Variants in ADCY9 observed in about 807,000 individuals in gnomAD.
ADCY9 encodes adenylate cyclase 9.
Under a neutral mutation model 101.5 loss-of-function variants are expected in ADCY9, and 50 were observed. The observed-to-expected ratio is 0.49, with a 90% confidence interval of 0.39 to 0.62. ADCY9 has a LOEUF of 0.62. Among genes scored for constraint, ADCY9 ranks in the 20% least tolerant of loss-of-function variants. The pLI is 0.00. For synonymous variants in ADCY9, 905 were observed against 769.3 expected, an observed-to-expected ratio of 1.18 and a Z score of -2.92; for missense variants, 1,662 against 1,800.4, an observed-to-expected ratio of 0.92 and a Z score of 1.39.
chr16:4,078,220 G>T (rs1026971458), intron 2 of ADCY9, among the ~76,000 whole-genome samples: 2 of 152,164 alleles, frequency 1.3e-5, no homozygotes, highest in African/African-American at 4.8e-5. Flanking sequence ...GCCAAGAACT[G>T]CAAGCAACTC....
chr16:4,046,207 G>T (rs777885392), intron 2 of ADCY9, among the ~76,000 whole-genome samples: 5 of 152,102 alleles, frequency 3.3e-5, no homozygotes, highest in African/African-American at 4.8e-5. Flanking sequence ...TATCTGTCCG[G>T]AGTCGCAGAA....
Position 3,969,755 on chromosome 16 carries a change from C to A in ADCY9, c.2871-2789G>T, listed in dbSNP as rs1260491389. ...TCAGCCTCCAGATTAGCTGGGACTA[C>A]AGGCACACACCACCACACCTGGCTA... On this transcript the variant is annotated intron_variant, in intron 10 of 10. Transcript: ENST00000294016. 2.0e-5 allele frequency among the ~76,000 whole-genome samples: 3 copies of A among 150,592 alleles called. No individual in the cohort carries two copies. The Admixed American group carries it at 2.0e-4, about 10-fold the overall frequency.
rs200675091 is a variant in ADCY9, at chr16:3,983,225, C to T, written c.2519+7G>A. On this transcript the variant is annotated splice_region_variant and intron_variant, in intron 7 of 10. Coordinates refer to ENST00000294016, the MANE Select transcript of ADCY9 (RefSeq NM_001116.4). ...AGAGCTGGAGACCCAGTCCACGCGG[C>T]GCTTACCTGATGGACACCGCGAGGG... 3.1e-4 allele frequency: 481 copies of T among 1,547,638 alleles called. No individual in the cohort carries two copies. The highest frequency in any genetic ancestry group is 4.0e-4 in the Non-Finnish European group (454 of 1,145,702).
rs35732229 is a variant in ADCY9, at chr16:4,097,553, ATTTT to A, written c.1693+16193_1693+16196del. Among the ~76,000 whole-genome samples, 54 of 53,390 alleles carry A rather than the reference ATTTT, an allele frequency of 1.0e-3. 1 individual carries two copies. The South Asian group carries it at 0.011, about 11-fold the overall frequency. The allele number at this position is 53,390 out of a possible 152,430, so 35.0% of individuals were successfully genotyped here. ...CATATATATATATATATATATATATATTTTTTTTTTTTTTTTTTAAGACAGAGTC... is the reference window on the plus strand; with the variant it reads ...CATATATATATATATATATATATATATTTTTTTTTTTTTTAAGACAGAGTC... On this transcript the variant is annotated intron_variant, in intron 2 of 10. Transcript: ENST00000294016.
rs750404297 is a variant in ADCY9 at position 4,114,792 on chromosome 16, G to C, written c.651C>G (p.Cys217Trp). 2 of 1,613,326 alleles carry C rather than the reference G, an allele frequency of 1.2e-6. No individual in the cohort carries two copies. Among genetic ancestry groups the C allele is most frequent in the South Asian group, 2.2e-5 (2 of 91,086 alleles). Residue 217 changes from cysteine to tryptophan, a missense_variant, in exon 2 of 11, where the codon TGC becomes TGG. By Grantham distance (215) the Cys-to-Trp change is radical. This residue lies in a region of ADCY9 where 422 missense variants were observed against 392.0 expected (regional missense o/e 1.08). Coordinates refer to ENST00000294016, the MANE Select transcript of ADCY9 (RefSeq NM_001116.4). The surrounding 1 kb of genome is among the most constrained non-coding windows in gnomAD (Gnocchi z 4.3). ...TGGAGAAGCTCCCCACTTGAGATAAGCAAGTATCTGTGGGCCGGGCTGTGG... is the reference window on the plus strand; with the variant it reads ...TGGAGAAGCTCCCCACTTGAGATAACCAAGTATCTGTGGGCCGGGCTGTGG... ...LTATARPTDT[C>W]LSQVGSFSMC...
chr16:3,993,066 CTT>C (rs2056258588), intron 4 of ADCY9, among the ~76,000 whole-genome samples: 1 of 152,144 alleles, frequency 6.6e-6, no homozygotes, highest in Non-Finnish European at 1.5e-5. Context: ...AAGACCCCCT[CTT>C]GTCTCTGCCC....
chr16:4,085,542 G>A (rs1015935579), intron 2 of ADCY9, among the ~76,000 whole-genome samples: 4 of 152,144 alleles, frequency 2.6e-5, no homozygotes, highest in African/African-American at 9.6e-5. Flanking sequence ...TCATCTAAAG[G>A]GGAGGCTCCC....
Position 3,965,052 on chromosome 16 carries a change from G to C in ADCY9, c.*723C>G, listed in dbSNP as rs558780812. The stretch of plus-strand genomic sequence containing the variant: ...CCCGAGGCCTGGGCACACGGGCGTC[G>C]TGCCCGGCTGGCATTTGCTGTCTTG... On this transcript the variant is annotated 3_prime_UTR_variant, in exon 11 of 11. Transcript: ENST00000294016. The C allele has an allele frequency of 6.6e-6, 1 of 152,398 alleles. No individual in the cohort carries two copies. The highest frequency in any genetic ancestry group is 2.1e-4 in the South Asian group (1 of 4,822). The allele number at this position is 152,398 out of a possible 1,614,324, so 9.4% of individuals were successfully genotyped here. A position where few individuals can be genotyped will look rare whatever the true frequency, so the allele number is the denominator to read the frequency against.
At chr16:4,106,068 C>A (rs951776907) in intron 2 of ADCY9, among the ~76,000 whole-genome samples, 2 of 152,178 alleles carry the variant, frequency 1.3e-5, no homozygotes, top group Non-Finnish European at 2.9e-5. Flanking sequence ...CCACCTATCC[C>A]AGAACATTGA....
chr16:3,953,740 G>A (rs887325733), intron 5 of ADCY9, among the ~76,000 whole-genome samples: 5 of 152,182 alleles, frequency 3.3e-5, no homozygotes, highest in African/African-American at 7.2e-5. Flanking sequence ...AAAAAACGCC[G>A]GTTTTGGGAT....
At chr16:4,090,792 AGT>A (rs1216660141) in intron 2 of ADCY9, among the ~76,000 whole-genome samples, 1 of 151,594 alleles carries the variant, frequency 6.6e-6, no homozygotes, top group African/African-American at 2.4e-5. Context: ...ACACAATTCC[AGT>A]GTTGCCAAGC....
In ADCY9 at chr16:3,965,889, G is replaced by T; in HGVS notation, c.3948C>A (p.Val1316=). 1 of 1,614,162 alleles carries T rather than the reference G, an allele frequency of 6.2e-7. No homozygotes were observed. Among genetic ancestry groups the T allele is most frequent in the African/African-American group, 1.3e-5 (1 of 75,034 alleles). ...CAAATCGACCCCTTTCTTCGGCTTT[G>T]ACGGGCTCCTTCCACGGTCTCTTGG... is the stretch of plus-strand genomic sequence containing the variant. ...LSPKRPWKEP[V]KAEERGRFGK... Residue 1316 remains valine (V), a synonymous_variant, in exon 11 of 11, where the codon GTC becomes GTA. Coordinates refer to ENST00000294016, the MANE Select transcript of ADCY9 (RefSeq NM_001116.4).
chr16:3,981,044 C>A (rs2056138130), intron 7 of ADCY9, among the ~76,000 whole-genome samples: 1 of 152,334 alleles, frequency 6.6e-6, no homozygotes, highest in African/African-American at 2.4e-5. Context: ...GCGCAGGTTC[C>A]CGTCAACCTG....
rs372578930 is a variant in ADCY9, at chr16:4,019,375, G to A, written c.1694-11817C>T. ...CACCCAGGGATGTCCCAGGCTGGGC[G>A]ATTTGTTCTCCCACTGCACACCATG... On this transcript the variant is annotated intron_variant, in intron 2 of 10. Transcript: ENST00000294016. Among the ~76,000 whole-genome samples the A allele has an allele frequency of 9.2e-5, 14 of 152,278 alleles. 1 individual carries two copies. The South Asian group carries it at 1.4e-3, about 16-fold the overall frequency.
At chr16:4,038,070 C>T (rs993723165) in intron 2 of ADCY9, among the ~76,000 whole-genome samples, 5 of 152,050 alleles carry the variant, frequency 3.3e-5, no homozygotes, top group Non-Finnish European at 7.4e-5. Context: ...GTCCAGGAGT[C>T]CAAGACCAGC....
chr16:4,053,063 G>A (rs1447803081), intron 2 of ADCY9, among the ~76,000 whole-genome samples: 1 of 152,188 alleles, frequency 6.6e-6, no homozygotes, highest in Non-Finnish European at 1.5e-5. Flanking sequence ...ATAGTTTTAA[G>A]ATGTTTTGAC....
chr16:3,983,121 CCAGCAGGGACAG>C (rs1567421886), intron 7 of ADCY9, 99 bp downstream of exon 7: 8 of 1,044,758 alleles, frequency 7.7e-6, no homozygotes, highest in Non-Finnish European at 1.1e-5. Flanking sequence ...CAGAAATCAG[CCAGCAGGGACAG>C]CTGGCTGGGG....
At position 4,115,021 on chromosome 16, in the gene ADCY9, C is replaced by A. The variant is rs1488363767; in HGVS notation, c.422G>T (p.Arg141Ile). The A allele has an allele frequency of 6.2e-7, 1 of 1,614,120 alleles. No homozygotes were observed. The highest frequency in any genetic ancestry group is 2.2e-5 in the East Asian group (1 of 44,884). ...CGCGGGGGCGACCATGACGATCAGT[C>A]TGGATCTCATGTGGACCGCAAAATA... The part of the protein sequence containing the change: ...SIYFAVHMRS[R>I]LIVMVAPALC... Residue 141 changes from arginine to isoleucine, a missense_variant, in exon 2 of 11, where the codon AGA becomes ATA. Coordinates refer to ENST00000294016, the MANE Select transcript of ADCY9 (RefSeq NM_001116.4). The surrounding 1 kb of genome is among the most constrained non-coding windows in gnomAD (Gnocchi z 6.2).
At chr16:4,078,440 G>A (rs1277122474) in intron 2 of ADCY9, among the ~76,000 whole-genome samples, 1 of 151,846 alleles carries the variant, frequency 6.6e-6, no homozygotes, top group Non-Finnish European at 1.5e-5. Context: ...GTGTACACCT[G>A]TAGTCCCAGC....
Sources: gnomAD v4.1 joint callset for allele counts (sites outside exome capture counted in the v4.1 genomes callset) on GRCh38, gnomAD v4.1.1 for gene constraint, gnomAD v4.1.1 regional missense constraint, Gnocchi (gnomAD v3.1) non-coding constraint, MANE v1.5 for transcripts, NCBI Gene and HGNC (gene_info 2026-07-23, HGNC 2026-07-21) for gene names.